The following MAP4K3 variants were observed in gnomAD, a reference collection of about 807,000 sequenced individuals.
MAP4K3 encodes mitogen-activated protein kinase kinase kinase kinase 3, also known as MAPK/ERK kinase kinase kinase 3.
In MAP4K3, 94 loss-of-function variants were observed where a neutral mutation model predicts 143.5. The ratio of observed to expected loss-of-function variants is 0.65; its 90% CI spans 0.55 to 0.78. The LOEUF is 0.78. Ranked by LOEUF, MAP4K3 falls within the 30% of genes least tolerant of loss-of-function variation. MAP4K3 has a pLI of 0.00. For missense variants in MAP4K3, 1,077 were observed against 1,068.1 expected (o/e 1.01, Z -0.12); for synonymous variants, 416 against 347.2 (o/e 1.20, Z -2.20).
intron 21 of MAP4K3, among the ~76,000 whole-genome samples, chr2:39,284,430 G>A (rs115282255): frequency 0.016 from 2,476 of 152,126 alleles, 23 homozygotes; most frequent in Non-Finnish European, 0.026. Flanking sequence ...CAAAGTGTAC[G>A]GATTATAGGT....
At chr2:39,413,057 A>G (rs1044961485) in intron 1 of MAP4K3, among the ~76,000 whole-genome samples, 1 of 152,194 alleles carries the variant, frequency 6.6e-6, no homozygotes, top group African/African-American at 2.4e-5. Context: ...AAACCCAACA[A>G]AGGATTATAA....
At chr2:39,366,352 T>C (rs1164742867) in intron 2 of MAP4K3, among the ~76,000 whole-genome samples, 2 of 152,164 alleles carry the variant, frequency 1.3e-5, no homozygotes, top group African/African-American at 2.4e-5. Context: ...TTTAGAGTTA[T>C]CATCAATAGA....
intron 2 of MAP4K3, among the ~76,000 whole-genome samples, chr2:39,370,174 A>G (rs1666041696): frequency 6.6e-6 from 1 of 152,248 alleles, no homozygotes; most frequent in African/African-American, 2.4e-5. Flanking sequence ...ATTTTGGAGC[A>G]TTATTACCTT....
intron 1 of MAP4K3, among the ~76,000 whole-genome samples, chr2:39,412,174 A>G (rs537937049): frequency 6.6e-6 from 1 of 152,354 alleles, no homozygotes; most frequent in African/African-American, 2.4e-5. Context: ...GTCAGAGAAC[A>G]TACTTTCAGG....
At chr2:39,261,795 A>T (rs892111166) in intron 28 of MAP4K3, among the ~76,000 whole-genome samples, 1 of 152,220 alleles carries the variant, frequency 6.6e-6, no homozygotes, top group African/African-American at 2.4e-5. Context: ...ACAAAAAGCC[A>T]GACACAAATG....
At chr2:39,287,003 A>T in intron 20 of MAP4K3, 39 bp from the exon 21 acceptor site, 1 of 1,292,742 alleles carries the variant, frequency 7.7e-7, no homozygotes, top group Non-Finnish European at 1.1e-6. Flanking sequence ...ATTAATCTTC[A>T]TGAAAACTTT....
intron 2 of MAP4K3, among the ~76,000 whole-genome samples, chr2:39,367,898 A>G (rs1227549280): frequency 6.6e-6 from 1 of 152,236 alleles, no homozygotes; most frequent in Non-Finnish European, 1.5e-5. Context: ...TTCATCCCAA[A>G]GAACCAGTTC....
At chr2:39,290,876 C>T (rs1431813013) in intron 18 of MAP4K3, among the ~76,000 whole-genome samples, 1 of 152,080 alleles carries the variant, frequency 6.6e-6, no homozygotes, top group East Asian at 1.9e-4. Flanking sequence ...CAAGACCATC[C>T]TACCATCGTG....
intron 8 of MAP4K3, among the ~76,000 whole-genome samples, chr2:39,331,147 T>C (rs1478180713): frequency 6.6e-6 from 1 of 152,026 alleles, no homozygotes; most frequent in Admixed American, 6.6e-5. Context: ...TGCTGATGAG[T>C]CAGATGAAGA....
chr2:39,437,025 G>C lies in MAP4K3; in HGVS notation c.-38C>G, dbSNP rs781542508. The stretch of plus-strand genomic sequence containing the variant: ...GTGCCCCCCGCCTCCCTCCCGGGCA[G>C]GGGAGGGGGGCCGCTCAGGGGGCCA... On this transcript the variant is annotated 5_prime_UTR_variant, in exon 1 of 34. Coordinates refer to ENST00000263881, the MANE Select transcript of MAP4K3 (RefSeq NM_003618.4). 2 of 1,545,640 alleles carry C rather than the reference G, an allele frequency of 1.3e-6. No individual in the cohort carries two copies. Among genetic ancestry groups the C allele is most frequent in the Admixed American group, 3.4e-5 (2 of 58,372 alleles).
chr2:39,303,971 A>T (rs2148493011), intron 15 of MAP4K3, among the ~76,000 whole-genome samples: 1 of 152,322 alleles, frequency 6.6e-6, no homozygotes, highest in Non-Finnish European at 1.5e-5. Context: ...TAATCTTTTA[A>T]TCTGCAGATA....
At chr2:39,259,742 T>C (rs1211275601) in intron 29 of MAP4K3, among the ~76,000 whole-genome samples, 1 of 152,120 alleles carries the variant, frequency 6.6e-6, no homozygotes, top group Non-Finnish European at 1.5e-5. Context: ...ATTAAAAATA[T>C]TTGAGTCTAT....
chr2:39,350,666 A>G (rs1665428799), intron 3 of MAP4K3, among the ~76,000 whole-genome samples: 1 of 152,142 alleles, frequency 6.6e-6, no homozygotes, highest in Non-Finnish European at 1.5e-5. Flanking sequence ...TCTTTCCTGG[A>G]TTACTGTAAT....
At chr2:39,258,624 CTG>C (rs1190984572) in intron 29 of MAP4K3, 37 bp from the exon 30 acceptor site, 1 of 1,340,764 alleles carries the variant, frequency 7.5e-7, no homozygotes, top group African/African-American at 1.4e-5. Context: ...CCTACAGAAA[CTG>C]TGATACTTAA....
intron 1 of MAP4K3, among the ~76,000 whole-genome samples, chr2:39,425,263 T>C (rs990780698): frequency 6.6e-6 from 1 of 152,072 alleles, no homozygotes; most frequent in Non-Finnish European, 1.5e-5. Context: ...CCCCCAAAAT[T>C]TGAAATTATA....
chr2:39,417,135 T>C (rs1667403415), intron 1 of MAP4K3, among the ~76,000 whole-genome samples: 1 of 152,102 alleles, frequency 6.6e-6, no homozygotes. Flanking sequence ...GTTGTGAAAA[T>C]TTCTAAAAAG....
intron 4 of MAP4K3, among the ~76,000 whole-genome samples, chr2:39,341,826 G>A (rs1665148889): frequency 6.6e-6 from 1 of 152,026 alleles, no homozygotes. Flanking sequence ...AATAATGCCA[G>A]ATATCTCTTC....
intron 1 of MAP4K3, among the ~76,000 whole-genome samples, chr2:39,418,553 T>C (rs1667456155): frequency 6.6e-6 from 1 of 152,100 alleles, no homozygotes; most frequent in African/African-American, 2.4e-5. Flanking sequence ...TGGGGAAAAG[T>C]AGTTTTACAG....
At chr2:39,327,956 T>G (rs946980795) in intron 8 of MAP4K3, among the ~76,000 whole-genome samples, 9 of 152,262 alleles carry the variant, frequency 5.9e-5, no homozygotes, top group African/African-American at 2.2e-4. Context: ...CTTATCACAG[T>G]CAACTGGGTT....
Sources: gnomAD v4.1 joint callset for allele counts (sites outside exome capture counted in the v4.1 genomes callset) on GRCh38, gnomAD v4.1.1 for gene constraint, MANE v1.5 for transcripts, NCBI Gene and HGNC (gene_info 2026-07-23, HGNC 2026-07-21) for gene names.